The following NR5A2 variants were observed in gnomAD, a reference collection of about 807,000 sequenced individuals.
The protein encoded by NR5A2 is CYP7A promoter-binding factor.
Under a neutral mutation model 62.7 loss-of-function variants are expected in NR5A2, and 26 were observed. The observed-to-expected ratio is 0.41, with a 90% CI of 0.30 to 0.58. The LOEUF is 0.58. Among genes scored for constraint, NR5A2 ranks in the 20% least tolerant of loss-of-function variants. NR5A2 has a pLI of 0.22. For missense variants in NR5A2, 541 were observed against 669.1 expected (o/e 0.81, Z 2.11); for synonymous variants, 246 against 241.7 (o/e 1.02, Z -0.16).
chr1:200,077,966 AT>A (rs1664117954), intron 5 of NR5A2, among the ~76,000 whole-genome samples: 2 of 152,118 alleles, frequency 1.3e-5, no homozygotes, highest in South Asian at 4.1e-4. Context: ...TAAAACAGAA[AT>A]TTTGCATGCA....
At chr1:200,049,584 T>C (rs1662534365) in intron 5 of NR5A2, among the ~76,000 whole-genome samples, 1 of 152,216 alleles carries the variant, frequency 6.6e-6, no homozygotes, top group African/African-American at 2.4e-5. Context: ...GAGAAAGTTA[T>C]TTAGAAGTTT....
At chr1:200,151,668 C>A (rs906690519) in intron 7 of NR5A2, among the ~76,000 whole-genome samples, 5 of 152,204 alleles carry the variant, frequency 3.3e-5, no homozygotes, top group South Asian at 2.1e-4. Context: ...GAGGCATTAT[C>A]ATGTTTCAAA....
rs186846352 is a variant in NR5A2 at position 200,114,736 on chromosome 1, T to A, written c.1230+3415T>A. Reference sequence around the variant, plus strand: ...AACAACCCCACGAAGAAAGGACTATTATCCCTCTTTGGCAGATGAGGAACC... The same window carrying A: ...AACAACCCCACGAAGAAAGGACTATAATCCCTCTTTGGCAGATGAGGAACC... On this transcript the variant is annotated intron_variant, in intron 6 of 7. Coordinates refer to ENST00000367362, the MANE Select transcript of NR5A2 (RefSeq NM_205860.3). 1.8e-3 allele frequency among the ~76,000 whole-genome samples: 276 copies of A among 152,316 alleles called. 2 individuals carry two copies. Among genetic ancestry groups the A allele is most frequent in the African/African-American group, 5.9e-3 (245 of 41,556 alleles).
intron 5 of NR5A2, among the ~76,000 whole-genome samples, chr1:200,090,795 T>A (rs1664778915): frequency 6.6e-6 from 1 of 152,150 alleles, no homozygotes; most frequent in Admixed American, 6.5e-5. Context: ...ACAGCACAGA[T>A]GTCTCTAGGT....
intron 7 of NR5A2, among the ~76,000 whole-genome samples, chr1:200,123,304 G>T (rs1490953568): frequency 2.0e-5 from 3 of 152,182 alleles, no homozygotes; most frequent in Non-Finnish European, 4.4e-5. Flanking sequence ...AGAGAAGGTG[G>T]GATGTGGTCC....
chr1:200,124,504 C>A (rs1015093575), intron 7 of NR5A2, among the ~76,000 whole-genome samples: 1 of 152,128 alleles, frequency 6.6e-6, no homozygotes, highest in African/African-American at 2.4e-5. Context: ...TAAAAAATGC[C>A]CTCTCAGCAC....
At position 200,090,274 on chromosome 1, in the gene NR5A2, G is replaced by T. The variant is rs1241918989; in HGVS notation, c.1111-20928G>T. ...TGACTTGTGTTGATTTAAAGCAGTAGTTCCCACACCTTTTGGTCTCAGGAC... is the reference window on the plus strand; with the variant it reads ...TGACTTGTGTTGATTTAAAGCAGTATTTCCCACACCTTTTGGTCTCAGGAC... On this transcript the variant is annotated intron_variant, in intron 5 of 7. Transcript: ENST00000367362. Among the ~76,000 whole-genome samples, 5 of 152,212 alleles carry T rather than the reference G, an allele frequency of 3.3e-5. No homozygotes were observed. The East Asian group carries it at 9.6e-4, about 29-fold the overall frequency.
intron 1 of NR5A2, among the ~76,000 whole-genome samples, chr1:200,038,495 C>T (rs994035625): frequency 6.6e-6 from 1 of 152,212 alleles, no homozygotes; most frequent in African/African-American, 2.4e-5. Context: ...GCCCACGTGT[C>T]GCCTCTTCAG....
intron 5 of NR5A2, among the ~76,000 whole-genome samples, chr1:200,078,548 C>A (rs1208144958): frequency 1.3e-5 from 2 of 152,160 alleles, no homozygotes; most frequent in Non-Finnish European, 2.9e-5. Context: ...GTAACAAATA[C>A]AAACTAGAAA....
intron 7 of NR5A2, among the ~76,000 whole-genome samples, chr1:200,165,031 C>G (rs2102386103): frequency 6.6e-6 from 1 of 151,938 alleles, no homozygotes; most frequent in South Asian, 2.1e-4. Flanking sequence ...CATGCACCAC[C>G]ACACCCAGCT....
intron 5 of NR5A2, among the ~76,000 whole-genome samples, chr1:200,060,675 C>G (rs553884312): frequency 2.0e-5 from 3 of 152,332 alleles, no homozygotes; most frequent in Admixed American, 2.0e-4. Context: ...GAGATGGTCA[C>G]TAGTGTCTTC....
intron 5 of NR5A2, among the ~76,000 whole-genome samples, chr1:200,068,422 G>A (rs570523687): frequency 2.0e-5 from 3 of 151,944 alleles, no homozygotes; most frequent in African/African-American, 4.8e-5. Flanking sequence ...CCACTACTTC[G>A]AAACTTACTT....
At chr1:200,136,902 G>A (rs1171636588) in intron 7 of NR5A2, among the ~76,000 whole-genome samples, 1 of 152,158 alleles carries the variant, frequency 6.6e-6, no homozygotes, top group African/African-American at 2.4e-5. Context: ...ACCACGGTCA[G>A]AAGCACTGCT....
intron 6 of NR5A2, among the ~76,000 whole-genome samples, chr1:200,114,398 A>G (rs1666122011): frequency 6.6e-6 from 1 of 152,166 alleles, no homozygotes; most frequent in Non-Finnish European, 1.5e-5. Flanking sequence ...AGCTGTGGTT[A>G]GAGTATATTT....
chr1:200,163,265 C>CAAAAAA (rs374872273), intron 7 of NR5A2, among the ~76,000 whole-genome samples: 2 of 88,002 alleles, frequency 2.3e-5, no homozygotes, highest in African/African-American at 3.3e-5. Context: ...ATGTCAAAGG[C>CAAAAAA]AAAAAAAAAA....
intron 7 of NR5A2, among the ~76,000 whole-genome samples, chr1:200,146,494 C>T (rs1175977442): frequency 6.6e-6 from 1 of 152,104 alleles, no homozygotes; most frequent in African/African-American, 2.4e-5. Context: ...ATGGAAACCA[C>T]CTGGAATTCT....
In NR5A2 at chr1:200,116,718, A is replaced by T. The variant is rs1211481901; in HGVS notation, c.1231-4090A>T. Among the ~76,000 whole-genome samples the T allele has an allele frequency of 2.6e-5, 4 of 152,218 alleles. No homozygotes were observed. In the South Asian group the frequency reaches 8.3e-4, roughly 32 times the overall value. Reference sequence around the variant, plus strand: ...CTTGTTAAGCAAAAAGGAAATTATGATTATCAGTAATATTAAGCACTTCAA... The same window carrying T: ...CTTGTTAAGCAAAAAGGAAATTATGTTTATCAGTAATATTAAGCACTTCAA... On this transcript the variant is annotated intron_variant, in intron 6 of 7. Transcript: ENST00000367362.
rs958288378 is a variant in NR5A2 at position 200,027,881 on chromosome 1, G to A, written c.34G>A (p.Glu12Lys). The part of the protein sequence containing the change: ...SSNSDTGDLQ[E>K]SLKHGLTPIG... ...TAATTCAGATACTGGGGATTTACAAGAGTCTTTAAAGCACGGACTTACACC... is the reference window on the plus strand; with the variant it reads ...TAATTCAGATACTGGGGATTTACAAAAGTCTTTAAAGCACGGACTTACACC... The change falls in exon 1 of 8, where the codon GAG (glutamate) becomes AAG (lysine). Residue 12 changes from glutamate (E) to lysine (K), a missense_variant. Around this residue, in one of 3 missense-constraint regions of NR5A2, gnomAD observed 108 missense variants for 103.3 expected, o/e 1.05. Coordinates refer to ENST00000367362, the MANE Select transcript of NR5A2 (RefSeq NM_205860.3). 1 of 1,605,894 alleles carries A rather than the reference G, an allele frequency of 6.2e-7. No individual in the cohort carries two copies.
intron 7 of NR5A2, among the ~76,000 whole-genome samples, chr1:200,148,609 T>A (rs1321935849): frequency 1.3e-5 from 2 of 152,042 alleles, no homozygotes; most frequent in Admixed American, 6.5e-5. Context: ...TAGGGGAAAA[T>A]TAGTCAAAAA....
Sources: allele counts gnomAD v4.1 joint callset (sites outside exome capture counted in the v4.1 genomes callset), GRCh38; gene constraint gnomAD v4.1.1; regional missense constraint gnomAD v4.1.1; transcripts MANE v1.5; gene names NCBI Gene and HGNC (gene_info 2026-07-23, HGNC 2026-07-21).